The following DDX10 variants were observed in gnomAD, a reference collection of about 807,000 sequenced individuals.
DDX10 encodes the protein probable ATP-dependent RNA helicase DDX10.
Under a neutral mutation model 104.3 loss-of-function variants are expected in DDX10, and 74 were observed. That is an observed-to-expected ratio of 0.71 (90% CI 0.59 to 0.86). The LOEUF is 0.86. DDX10 is among the 40% of genes least tolerant of loss of function. The pLI is 0.00. For synonymous variants in DDX10, 351 were observed against 353.4 expected (o/e 0.99, Z 0.08); for missense variants, 952 against 1,040.0 (o/e 0.92, Z 1.16).
chr11:108,710,561 A>T (rs926530307), intron 10 of DDX10, among the ~76,000 whole-genome samples: 1 of 152,068 alleles, frequency 6.6e-6, no homozygotes, highest in South Asian at 2.1e-4. Context: ...AGTAACATGC[A>T]TGGAGCTGTC....
chr11:108,900,052 C>T (rs1421413072), intron 16 of DDX10, among the ~76,000 whole-genome samples: 5 of 151,822 alleles, frequency 3.3e-5, no homozygotes, highest in African/African-American at 1.2e-4. Flanking sequence ...GCGGAGGTTG[C>T]AGTGAGCTTA....
intron 4 of DDX10, among the ~76,000 whole-genome samples, chr11:108,677,779 A>G (rs1289554362): frequency 6.6e-6 from 1 of 151,120 alleles, no homozygotes; most frequent in Admixed American, 6.6e-5. Flanking sequence ...AACATGCACA[A>G]AAGAAGAAAG....
intron 16 of DDX10, among the ~76,000 whole-genome samples, chr11:108,875,090 G>A (rs936545885): frequency 1.3e-5 from 2 of 152,110 alleles, no homozygotes; most frequent in South Asian, 4.1e-4. Context: ...GCCAGGAAGA[G>A]GTTTTGCCTA....
intron 6 of DDX10, among the ~76,000 whole-genome samples, chr11:108,680,661 C>T (rs77256810): frequency 0.016 from 2,367 of 152,262 alleles, 60 homozygotes; most frequent in African/African-American, 0.054. Context: ...AAATTCAACT[C>T]TTCTATTATT....
intron 13 of DDX10, among the ~76,000 whole-genome samples, chr11:108,727,338 T>G (rs1005439932): frequency 6.6e-6 from 1 of 152,138 alleles, no homozygotes; most frequent in Non-Finnish European, 1.5e-5. Flanking sequence ...AATTTGTGTA[T>G]ATATTGCTTA....
chr11:108,935,653 T>C (rs1864028374), intron 17 of DDX10, among the ~76,000 whole-genome samples: 1 of 152,176 alleles, frequency 6.6e-6, no homozygotes, highest in African/African-American at 2.4e-5. Context: ...AAGGCTGATA[T>C]ATAAGACTGA....
intron 16 of DDX10, among the ~76,000 whole-genome samples, chr11:108,879,120 G>A (rs1863192555): frequency 6.6e-6 from 1 of 152,042 alleles, no homozygotes; most frequent in African/African-American, 2.4e-5. Context: ...TCCCGTGTCA[G>A]CCTTCCAGGT....
chr11:108,838,214 C>G lies in DDX10; in HGVS notation c.1966-232C>G, dbSNP rs140249698. 6.0e-4 allele frequency: 187 copies of G among 310,706 alleles called. 2 individuals carry two copies. The highest frequency in any genetic ancestry group is 3.8e-3 in the African/African-American group (178 of 46,244). The allele number at this position is 310,706 out of a possible 1,614,324, so 19.2% of individuals were successfully genotyped here. A position where few individuals can be genotyped will look rare whatever the true frequency, so the allele number is the denominator to read the frequency against. ...GTTCTAGTAATAGAGAAAATGTAAACGTTATTGGTTTACTAGCCCTCCTAT... is the reference window on the plus strand; with the variant it reads ...GTTCTAGTAATAGAGAAAATGTAAAGGTTATTGGTTTACTAGCCCTCCTAT... On this transcript the variant is annotated intron_variant, in intron 13 of 17. Transcript: ENST00000322536.
At chr11:108,920,583 A>G (rs1245100657) in intron 17 of DDX10, 1 of 152,214 alleles carries the variant, frequency 6.6e-6, no homozygotes, top group Non-Finnish European at 1.5e-5. Flanking sequence ...CTTGTCTGTG[A>G]TCACAATAAA....
intron 13 of DDX10, among the ~76,000 whole-genome samples, chr11:108,829,622 G>C (rs1442604244): frequency 6.6e-6 from 1 of 152,102 alleles, no homozygotes. Flanking sequence ...CTTTGTTTTT[G>C]CTGCATTTGC....
At chr11:108,838,003 G>A (rs946328478) in intron 13 of DDX10, among the ~76,000 whole-genome samples, 4 of 152,200 alleles carry the variant, frequency 2.6e-5, no homozygotes, top group African/African-American at 7.2e-5. Context: ...ATGTTGCAAC[G>A]TTGCAAACAA....
At chr11:108,739,018 C>T (rs886746737) in intron 13 of DDX10, among the ~76,000 whole-genome samples, 18 of 152,256 alleles carry the variant, frequency 1.2e-4, no homozygotes, top group South Asian at 4.1e-4. Context: ...GGACAACTTT[C>T]GCCCCTGAGG....
chr11:108,776,811 G>T (rs2094370507), intron 13 of DDX10, among the ~76,000 whole-genome samples: 2 of 152,178 alleles, frequency 1.3e-5, no homozygotes. Flanking sequence ...ACTGAGAGAA[G>T]TCCCTGGCTG....
At position 108,688,993 on chromosome 11, in the gene DDX10, T is replaced by C; in HGVS notation, c.906T>C (p.Ser302=). The C allele has an allele frequency of 1.2e-6, 2 of 1,614,052 alleles. No individual in the cohort carries two copies. Among genetic ancestry groups the C allele is most frequent in the Non-Finnish European group, 1.7e-6 (2 of 1,179,910 alleles). ...YIVCELQQKI[S]VLYSFLRSHL... ...TCTGTGAGCTGCAGCAAAAAATAAG[T>C]GTGCTGTATTCCTTTTTGAGAAGCC... The change falls in exon 7 of 18, where the codon AGT becomes AGC. Residue 302 remains serine, a synonymous_variant. Coordinates refer to ENST00000322536, the MANE Select transcript of DDX10 (RefSeq NM_004398.4).
intron 13 of DDX10, among the ~76,000 whole-genome samples, chr11:108,834,927 C>A (rs1410747867): frequency 6.7e-4 from 42 of 62,256 alleles, no homozygotes; most frequent in African/African-American, 1.3e-3. Context: ...GACTCCATCT[C>A]AAAAAAAAAA....
intron 13 of DDX10, among the ~76,000 whole-genome samples, chr11:108,738,294 C>A (rs565128583): frequency 1.1e-4 from 17 of 149,180 alleles, no homozygotes; most frequent in African/African-American, 4.2e-4. Flanking sequence ...TGGCTTTCAG[C>A]GAGTCTTATT....
intron 16 of DDX10, among the ~76,000 whole-genome samples, chr11:108,899,769 G>A (rs774402001): frequency 1.3e-5 from 2 of 152,134 alleles, no homozygotes; most frequent in African/African-American, 4.8e-5. Flanking sequence ...ATGGCTTGGT[G>A]CTGTCCTCGC....
intron 13 of DDX10, among the ~76,000 whole-genome samples, chr11:108,815,939 C>A (rs932417773): frequency 2.0e-5 from 3 of 152,148 alleles, no homozygotes; most frequent in African/African-American, 7.2e-5. Context: ...TGAATCTATT[C>A]AGGTCAGGTT....
chr11:108,668,687 A>AT (rs778081295), intron 1 of DDX10, among the ~76,000 whole-genome samples: 4 of 152,152 alleles, frequency 2.6e-5, no homozygotes, highest in Non-Finnish European at 5.9e-5. Context: ...AAACAATTTG[A>AT]CAGGCACTTG....
Sources: gnomAD v4.1 joint callset for allele counts (sites outside exome capture counted in the v4.1 genomes callset) on GRCh38, gnomAD v4.1.1 for gene constraint, MANE v1.5 for transcripts, NCBI Gene and HGNC (gene_info 2026-07-23, HGNC 2026-07-21) for gene names.